The following OSBPL9 variants were observed in gnomAD, a reference collection of about 807,000 sequenced individuals.
OSBPL9 encodes oxysterol-binding protein-related protein 9.
A neutral mutation model predicts 106.6 loss-of-function variants in OSBPL9; 40 were observed. The ratio of observed to expected loss-of-function variants is 0.38; its 90% CI spans 0.29 to 0.49. OSBPL9 has a LOEUF of 0.49. Among genes scored for constraint, OSBPL9 ranks in the 20% least tolerant of loss-of-function variants. The pLI is 0.97. For synonymous variants in OSBPL9, 269 were observed against 295.4 expected, an observed-to-expected ratio of 0.91 and a Z score of 0.92; for missense variants, 609 against 887.2, an observed-to-expected ratio of 0.69 and a Z score of 3.98.
At chr1:51,579,426 G>C (rs1373991196) in intron 1 of OSBPL9, among the ~76,000 whole-genome samples, 2 of 152,204 alleles carry the variant, frequency 1.3e-5, no homozygotes, top group Admixed American at 6.5e-5. Flanking sequence ...GCCTCAGACA[G>C]ATTAGATCCA....
In OSBPL9 at chr1:51,772,053, A is replaced by G. The variant is rs766224425; in HGVS notation, c.939-17A>G. 4.4e-6 allele frequency: 7 copies of G among 1,587,372 alleles called. No homozygotes were observed. Among genetic ancestry groups the G allele is most frequent in the Non-Finnish European group, 5.2e-6 (6 of 1,160,246 alleles). On this transcript the variant is annotated splice_polypyrimidine_tract_variant and intron_variant, in intron 12 of 23. Transcript: ENST00000428468. ...TTGCTTTCTTTAGCTTAAATAAGGT[A>G]ATTAATGTTTTTATAGTTCTTCTGG...
At chr1:51,762,902 A>AT (rs1370425110) in intron 11 of OSBPL9, among the ~76,000 whole-genome samples, 1 of 152,184 alleles carries the variant, frequency 6.6e-6, no homozygotes, top group African/African-American at 2.4e-5. Context: ...GCATATGTAT[A>AT]TTTTTTTAGA....
At chr1:51,590,032 C>CA (rs941103745) in intron 1 of OSBPL9, among the ~76,000 whole-genome samples, 5,010 of 49,612 alleles carry the variant, frequency 0.1, 353 homozygotes, top group African/African-American at 0.19. Flanking sequence ...GACTCCGTCT[C>CA]AAAAAAAAAA....
At chr1:51,716,007 G>T (rs1334719520) in intron 4 of OSBPL9, among the ~76,000 whole-genome samples, 1 of 152,026 alleles carries the variant, frequency 6.6e-6, no homozygotes, top group East Asian at 1.9e-4. Flanking sequence ...GTTATCAGCT[G>T]ATGTTGACAT....
chr1:51,723,063 C>T (rs545988762), intron 4 of OSBPL9, among the ~76,000 whole-genome samples: 5 of 152,330 alleles, frequency 3.3e-5, no homozygotes, highest in Admixed American at 2.0e-4. Context: ...TCCCTATACC[C>T]GCTTCCCCTA....
At chr1:51,604,428 C>T (rs1354884967) in intron 2 of OSBPL9, among the ~76,000 whole-genome samples, 3 of 151,574 alleles carry the variant, frequency 2.0e-5, no homozygotes, top group South Asian at 2.1e-4. Context: ...TGGTGGTGGG[C>T]GCCTGTAATC....
chr1:51,527,959 A>AAAAATAC, the OSBPL9 span, among the ~76,000 whole-genome samples: 1 of 1,046 alleles, frequency 9.6e-4, no homozygotes, highest in African/African-American at 1.3e-3. Context: ...CTAAAAATAC[A>AAAAATAC]AAAAAAAAAA....
chr1:51,781,625 T>C (rs920806902), intron 16 of OSBPL9: 53 of 260,622 alleles, frequency 2.0e-4, no homozygotes, highest in African/African-American at 1.2e-3. Context: ...ATAGAATGAT[T>C]TTGTGAAAAA....
intron 4 of OSBPL9, among the ~76,000 whole-genome samples, chr1:51,732,947 A>G (rs1664791325): frequency 6.6e-6 from 1 of 152,212 alleles, no homozygotes; most frequent in African/African-American, 2.4e-5. Flanking sequence ...AGAACATGCC[A>G]TAGCCTCTCA....
intron 4 of OSBPL9, among the ~76,000 whole-genome samples, chr1:51,722,330 C>CA (rs1662316600): frequency 6.6e-6 from 1 of 152,022 alleles, no homozygotes; most frequent in South Asian, 2.1e-4. Flanking sequence ...ATAAAGTGAC[C>CA]AACACAGAAT....
At chr1:51,711,927 G>T (rs1660086003) in intron 3 of OSBPL9, among the ~76,000 whole-genome samples, 1 of 151,842 alleles carries the variant, frequency 6.6e-6, no homozygotes, top group South Asian at 2.1e-4. Context: ...TCACTTTCCA[G>T]ACTAGGCAGC....
At chr1:51,668,534 A>T (rs1441811809) in intron 2 of OSBPL9, among the ~76,000 whole-genome samples, 1 of 152,202 alleles carries the variant, frequency 6.6e-6, no homozygotes, top group Non-Finnish European at 1.5e-5. Flanking sequence ...AGGCAGGAGA[A>T]TCACTTGAAC....
chr1:51,743,582 A>T (rs1006182092), intron 4 of OSBPL9, among the ~76,000 whole-genome samples: 2 of 152,176 alleles, frequency 1.3e-5, no homozygotes, highest in Non-Finnish European at 2.9e-5. Context: ...TCTCATTTAG[A>T]TGCTTTTTTT....
At chr1:51,571,999 A>G in the OSBPL9 span, among the ~76,000 whole-genome samples, 8 of 152,108 alleles carry the variant, frequency 5.3e-5, no homozygotes, top group Non-Finnish European at 1.0e-4. Context: ...GACTACCCTC[A>G]CTGGCATCAC....
At chr1:51,556,924 T>C in the OSBPL9 span, among the ~76,000 whole-genome samples, 14 of 150,770 alleles carry the variant, frequency 9.3e-5, no homozygotes, top group African/African-American at 3.2e-4. Context: ...TAGACAACAG[T>C]AATTTATTAT....
At chr1:51,731,069 T>C (rs1267153385) in intron 4 of OSBPL9, among the ~76,000 whole-genome samples, 4 of 151,122 alleles carry the variant, frequency 2.6e-5, no homozygotes, top group Admixed American at 6.6e-5. Context: ...TTTTTTTTTG[T>C]GCAGCCCGAC....
chr1:51,687,481 G>A (rs1654051872), intron 3 of OSBPL9, among the ~76,000 whole-genome samples: 1 of 152,208 alleles, frequency 6.6e-6, no homozygotes, highest in Non-Finnish European at 1.5e-5. Flanking sequence ...AACTAGTAGA[G>A]GCAAGGAAAA....
At chr1:51,634,843 G>A (rs1331963586) in intron 1 of OSBPL9, among the ~76,000 whole-genome samples, 1 of 152,226 alleles carries the variant, frequency 6.6e-6, no homozygotes, top group Non-Finnish European at 1.5e-5. Context: ...CGAAAAGCAT[G>A]TCTTACGCTG....
chr1:51,690,694 C>A (rs1049347068), intron 3 of OSBPL9, among the ~76,000 whole-genome samples: 2 of 152,170 alleles, frequency 1.3e-5, no homozygotes, highest in Non-Finnish European at 2.9e-5. Context: ...GCTTGGGATA[C>A]ATCAATATAT....
Sources: gnomAD v4.1 joint callset for allele counts (sites outside exome capture counted in the v4.1 genomes callset) on GRCh38, gnomAD v4.1.1 for gene constraint, MANE v1.5 for transcripts, NCBI Gene and HGNC (gene_info 2026-07-23, HGNC 2026-07-21) for gene names.